Variants in MANBAL observed in about 807,000 individuals in gnomAD.
MANBAL encodes protein MANBAL.
MANBAL carries 1 observed loss-of-function variant against 6.4 expected under a neutral mutation model. That is an observed-to-expected ratio of 0.16 (90% confidence interval 0.06 to 0.74). MANBAL has a LOEUF of 0.74. MANBAL is among the 30% of genes least tolerant of loss of function. The pLI, the probability that MANBAL is intolerant of heterozygous loss-of-function variation, is 0.78. For synonymous variants in MANBAL, 47 were observed against 45.8 expected (o/e 1.03, Z -0.10); for missense variants, 100 against 107.8 (o/e 0.93, Z 0.32).
At chr20:37,313,206 G>A (rs780868628) in intron 2 of MANBAL, among the ~76,000 whole-genome samples, 24 of 151,370 alleles carry the variant, frequency 1.6e-4, no homozygotes, top group Non-Finnish European at 2.9e-4. Flanking sequence ...GTGAAACCCC[G>A]TCTCTACTAA....
chr20:37,310,520 T>A (rs1600918363), intron 2 of MANBAL, among the ~76,000 whole-genome samples: 1 of 152,254 alleles, frequency 6.6e-6, no homozygotes, highest in Non-Finnish European at 1.5e-5. Context: ...AAGAGTGGCC[T>A]GCGTAGAATG....
At chr20:37,307,899 C>T (rs573395656) in intron 2 of MANBAL, among the ~76,000 whole-genome samples, 130 of 152,292 alleles carry the variant, frequency 8.5e-4, no homozygotes, top group South Asian at 1.7e-3. Flanking sequence ...AGTTTCCGTG[C>T]AATGTAGATA....
chr20:37,291,260 C>T (rs930273550), intron 1 of MANBAL, among the ~76,000 whole-genome samples: 2 of 152,136 alleles, frequency 1.3e-5, no homozygotes, highest in African/African-American at 4.8e-5. Context: ...ATATAGCCCA[C>T]GTTTCCCCTA....
At chr20:37,292,094 A>G (rs549522999) in intron 1 of MANBAL, among the ~76,000 whole-genome samples, 7 of 152,290 alleles carry the variant, frequency 4.6e-5, no homozygotes, top group African/African-American at 1.7e-4. Context: ...AGGCTTTTCC[A>G]GTGTAGAGTT....
intron 1 of MANBAL, among the ~76,000 whole-genome samples, chr20:37,291,943 A>G (rs2068881012): frequency 6.6e-6 from 1 of 152,184 alleles, no homozygotes; most frequent in Non-Finnish European, 1.5e-5. Context: ...GTATTTCTTC[A>G]AAGTGGTATG....
At chr20:37,302,533 C>T (rs2069163514) in intron 2 of MANBAL, among the ~76,000 whole-genome samples, 1 of 152,186 alleles carries the variant, frequency 6.6e-6, no homozygotes, top group South Asian at 2.1e-4. Context: ...TCCATTATTT[C>T]CTTCTGCATC....
Position 37,315,233 on chromosome 20 carries a change from T to C in MANBAL, c.151-1075T>C, listed in dbSNP as rs150561170. On this transcript the variant is annotated intron_variant, in intron 2 of 2. Coordinates refer to ENST00000373606, the MANE Select transcript of MANBAL (RefSeq NM_001003897.2). ...CCAGATTTCATGGGAAATCTCCCAA[T>C]TGGCTTAAATTTTTAAATAAACACT... 5.0e-3 allele frequency among the ~76,000 whole-genome samples: 760 copies of C among 152,270 alleles called. 10 individuals are homozygous for C. The highest frequency in any genetic ancestry group is 0.018 in the African/African-American group (733 of 41,550).
chr20:37,307,729 C>A (rs1486977470), intron 2 of MANBAL, among the ~76,000 whole-genome samples: 1 of 151,426 alleles, frequency 6.6e-6, no homozygotes, highest in Non-Finnish European at 1.5e-5. Flanking sequence ...TGCACTCCAG[C>A]CTGGGCGACA....
At chr20:37,307,003 G>A (rs939766988) in intron 2 of MANBAL, among the ~76,000 whole-genome samples, 1 of 152,146 alleles carries the variant, frequency 6.6e-6, no homozygotes, top group Non-Finnish European at 1.5e-5. Context: ...TTGCTCTATT[G>A]CCTAGGCTGG....
chr20:37,290,911 A>G (rs2068851965), intron 1 of MANBAL, among the ~76,000 whole-genome samples: 1 of 152,216 alleles, frequency 6.6e-6, no homozygotes, highest in Non-Finnish European at 1.5e-5. Flanking sequence ...TGCCTGGCCT[A>G]AAACAGTAAC....
chr20:37,315,410 C>T (rs2069486852), intron 2 of MANBAL, among the ~76,000 whole-genome samples: 1 of 152,192 alleles, frequency 6.6e-6, no homozygotes, highest in Admixed American at 6.5e-5. Flanking sequence ...GATAGGAGCA[C>T]ACTGAGCCTA....
At chr20:37,316,194 G>A in intron 2 of MANBAL, 114 bp from the exon 3 acceptor site, 2 of 971,792 alleles carry the variant, frequency 2.1e-6, no homozygotes, top group Non-Finnish European at 3.1e-6. Flanking sequence ...GGGAATGACA[G>A]TTTCCATCTC....
At chr20:37,303,649 C>T (rs569047157) in intron 2 of MANBAL, among the ~76,000 whole-genome samples, 15 of 152,260 alleles carry the variant, frequency 9.9e-5, no homozygotes, top group African/African-American at 2.6e-4. Flanking sequence ...CCAGGTATGG[C>T]GGCACAGGGA....
At chr20:37,305,241 G>C (rs1278539544) in intron 2 of MANBAL, among the ~76,000 whole-genome samples, 1 of 152,170 alleles carries the variant, frequency 6.6e-6, no homozygotes, top group Non-Finnish European at 1.5e-5. Context: ...TGTGGTTGTT[G>C]GTGGCTGATG....
intron 2 of MANBAL, among the ~76,000 whole-genome samples, chr20:37,311,782 C>T (rs916869418): frequency 5.9e-5 from 9 of 151,458 alleles, no homozygotes; most frequent in African/African-American, 1.9e-4. Context: ...CCACCGCGCC[C>T]GGCCTGTTGT....
chr20:37,296,891 G>A (rs2069009640), intron 1 of MANBAL: 2 of 152,090 alleles, frequency 1.3e-5, no homozygotes, highest in South Asian at 4.1e-4. Flanking sequence ...GATAGAGCAG[G>A]GGCTTTTGTC....
intron 2 of MANBAL, among the ~76,000 whole-genome samples, chr20:37,304,970 G>A (rs2069224663): frequency 0.016 from 1 of 62 alleles, no homozygotes. Context: ...AGAGGACCTA[G>A]GCCAGAGCTG....
intron 2 of MANBAL, among the ~76,000 whole-genome samples, chr20:37,310,008 C>T (rs1460312465): frequency 6.6e-6 from 1 of 152,126 alleles, no homozygotes; most frequent in Non-Finnish European, 1.5e-5. Context: ...CTTCCACCAG[C>T]CTGTGGTCTG....
intron 2 of MANBAL, among the ~76,000 whole-genome samples, chr20:37,305,583 T>C (rs1450993750): frequency 6.6e-6 from 1 of 152,146 alleles, no homozygotes; most frequent in African/African-American, 2.4e-5. Flanking sequence ...AATTTAAATA[T>C]AGTACATGAC....
Sources: gnomAD v4.1 joint callset for allele counts (sites outside exome capture counted in the v4.1 genomes callset) on GRCh38, gnomAD v4.1.1 for gene constraint, MANE v1.5 for transcripts, NCBI Gene and HGNC (gene_info 2026-07-23, HGNC 2026-07-21) for gene names.